ARNT2: variants seen among roughly 807,000 people sequenced by gnomAD.
ARNT2 encodes the protein aryl hydrocarbon receptor nuclear translocator 2.
A neutral mutation model predicts 91.7 loss-of-function variants in ARNT2; 36 were observed. The observed-to-expected ratio is 0.39, with a 90% CI of 0.30 to 0.52. ARNT2 has a LOEUF of 0.52. ARNT2 is among the 20% of genes least tolerant of loss of function. The pLI is 0.72. For missense variants in ARNT2, 775 were observed against 939.3 expected, an observed-to-expected ratio of 0.83 and a Z score of 2.29; for synonymous variants, 365 against 347.1, an observed-to-expected ratio of 1.05 and a Z score of -0.57.
intron 2 of ARNT2, among the ~76,000 whole-genome samples, chr15:80,455,414 C>T (rs1031214444): frequency 1.3e-5 from 2 of 152,088 alleles, no homozygotes; most frequent in South Asian, 2.1e-4. Flanking sequence ...CCCAAGTTCC[C>T]GGCGGACTTC....
In ARNT2 at chr15:80,590,831, G is replaced by A. The variant is rs144553270; in HGVS notation, c.1919-737G>A. 2.1e-4 allele frequency among the ~76,000 whole-genome samples: 32 copies of A among 152,312 alleles called. No homozygotes were observed. In the East Asian group the frequency reaches 6.2e-3, roughly 29 times the overall value. On this transcript the variant is annotated intron_variant, in intron 17 of 18. Transcript: ENST00000303329. Reference sequence around the variant, plus strand: ...TGTATAAACTGTAGACAGAAGCAAAGTGGCTCTCATTTATAAATGAATTTG... The same window carrying A: ...TGTATAAACTGTAGACAGAAGCAAAATGGCTCTCATTTATAAATGAATTTG...
chr15:80,475,742 A>G (rs1896793016), intron 5 of ARNT2, among the ~76,000 whole-genome samples: 2 of 152,186 alleles, frequency 1.3e-5, no homozygotes, highest in African/African-American at 2.4e-5. Flanking sequence ...TGCAATTAGT[A>G]TACATTACCA....
intron 1 of ARNT2, among the ~76,000 whole-genome samples, chr15:80,407,231 C>T (rs1489595598): frequency 1.3e-5 from 2 of 152,200 alleles, no homozygotes; most frequent in African/African-American, 4.8e-5. Flanking sequence ...CCCACGCCCC[C>T]ACTTGTTCCT....
chr15:80,489,012 C>T (rs1305271890), intron 5 of ARNT2, among the ~76,000 whole-genome samples: 2 of 152,080 alleles, frequency 1.3e-5, no homozygotes, highest in Non-Finnish European at 2.9e-5. Flanking sequence ...TTTTTTTAGG[C>T]AGATATAATT....
intron 5 of ARNT2, chr15:80,487,919 C>T (rs1223198093): frequency 1.3e-5 from 2 of 152,194 alleles, no homozygotes; most frequent in East Asian, 3.9e-4. Context: ...GACACAGCCT[C>T]CCCAGCACAG....
chr15:80,544,786 T>C (rs536362199), intron 8 of ARNT2, among the ~76,000 whole-genome samples: 1 of 152,296 alleles, frequency 6.6e-6, no homozygotes, highest in East Asian at 1.9e-4. Context: ...AGGCAAACTA[T>C]TTTTGTAGGA....
intron 5 of ARNT2, among the ~76,000 whole-genome samples, chr15:80,503,900 A>G (rs1413637072): frequency 6.6e-6 from 1 of 152,196 alleles, no homozygotes; most frequent in African/African-American, 2.4e-5. Flanking sequence ...CAGTCTGCAG[A>G]GCCCTGGTCC....
At chr15:80,503,969 G>C (rs555995420) in intron 5 of ARNT2, among the ~76,000 whole-genome samples, 12 of 152,362 alleles carry the variant, frequency 7.9e-5, no homozygotes, top group Middle Eastern at 3.4e-3. Context: ...CACAGTCCTA[G>C]ACCATGTGTG....
chr15:80,581,172 G>A, intron 16 of ARNT2, 67 bp from the exon 17 acceptor site: 2 of 1,586,202 alleles, frequency 1.3e-6, no homozygotes, highest in Non-Finnish European at 1.7e-6. Context: ...ACCAGCCTGG[G>A]GCATCGGTTG....
chr15:80,494,779 T>C (rs1469429419), intron 5 of ARNT2, among the ~76,000 whole-genome samples: 1 of 152,180 alleles, frequency 6.6e-6, no homozygotes, highest in Non-Finnish European at 1.5e-5. Context: ...CTGCCATTCA[T>C]GTTGGAGTTC....
rs1021425897 is a variant in ARNT2 at position 80,495,314 on chromosome 15, C to G, written c.623-12842C>G. Among the ~76,000 whole-genome samples the G allele has an allele frequency of 9.2e-5, 14 of 152,300 alleles. 2 individuals are homozygous for G. Among genetic ancestry groups the G allele is most frequent in the Admixed American group, 2.0e-4 (3 of 15,310 alleles). ...GTTGCTGCCAACTCTTCATTCTTCC[C>G]AGTACACTCTTTGTGTACACAGGAG... On this transcript the variant is annotated intron_variant, in intron 5 of 18. Coordinates refer to ENST00000303329, the MANE Select transcript of ARNT2 (RefSeq NM_014862.4).
In ARNT2 at chr15:80,457,912, T is replaced by C. The variant is rs1008012344; in HGVS notation, c.147-17T>C. The C allele has an allele frequency of 4.3e-6, 7 of 1,614,010 alleles. No homozygotes were observed. The highest frequency in any genetic ancestry group is 5.1e-6 in the Non-Finnish European group (6 of 1,179,918). On this transcript the variant is annotated splice_polypyrimidine_tract_variant and intron_variant, in intron 2 of 18. Coordinates refer to ENST00000303329, the MANE Select transcript of ARNT2 (RefSeq NM_014862.4). ...TCTCCTAATAATCAGTGCTCACTTG[T>C]GATCTTGACTTTTCAGAATGGACTT...
intron 12 of ARNT2, among the ~76,000 whole-genome samples, chr15:80,566,228 T>A (rs898540075): frequency 3.3e-5 from 5 of 152,114 alleles, no homozygotes; most frequent in Non-Finnish European, 5.9e-5. Flanking sequence ...TTATGTTTGG[T>A]CTTCTAAATG....
At chr15:80,409,342 C>CTGGG (rs1895649967) in intron 1 of ARNT2, among the ~76,000 whole-genome samples, 17 of 152,302 alleles carry the variant, frequency 1.1e-4, no homozygotes, top group African/African-American at 3.6e-4. Flanking sequence ...GTAGCCTTTT[C>CTGGG]AAACTGGCAT....
intron 1 of ARNT2, among the ~76,000 whole-genome samples, chr15:80,439,402 G>T (rs941450813): frequency 3.9e-5 from 6 of 152,152 alleles, no homozygotes; most frequent in African/African-American, 1.4e-4. Flanking sequence ...AAAGGCCAAG[G>T]CATTCATTTA....
chr15:80,541,327 A>G (rs1213035396), intron 8 of ARNT2, among the ~76,000 whole-genome samples: 1 of 152,026 alleles, frequency 6.6e-6, no homozygotes, highest in East Asian at 1.9e-4. Context: ...CCACTTTTTA[A>G]TGGGGTTATT....
At chr15:80,435,033 C>T (rs1231323802) in intron 1 of ARNT2, among the ~76,000 whole-genome samples, 1 of 152,102 alleles carries the variant, frequency 6.6e-6, no homozygotes, top group African/African-American at 2.4e-5. Flanking sequence ...TGTCTGGGGT[C>T]ACTCTCCCCT....
intron 11 of ARNT2, chr15:80,562,885 G>A: frequency 3.0e-6 from 2 of 664,452 alleles, no homozygotes; most frequent in Non-Finnish European, 5.4e-6. Flanking sequence ...TGACCCAGAT[G>A]CAGCACCCCA....
rs535536763 is a variant in ARNT2 at position 80,464,281 on chromosome 15, C to T, written c.195-5937C>T. ...AGTGTGACCCTTGGAGCCTCAGCTT[C>T]CTCCTCTGGGGAAAGGAGATACATC... On this transcript the variant is annotated intron_variant, in intron 3 of 18. Coordinates refer to ENST00000303329, the MANE Select transcript of ARNT2 (RefSeq NM_014862.4). 3.2e-4 allele frequency among the ~76,000 whole-genome samples: 49 copies of T among 151,924 alleles called. 1 individual carries two copies. In the South Asian group the frequency reaches 8.4e-3, roughly 26 times the overall value.
Sources: gnomAD v4.1 joint callset for allele counts (sites outside exome capture counted in the v4.1 genomes callset) on GRCh38, gnomAD v4.1.1 for gene constraint, MANE v1.5 for transcripts, NCBI Gene and HGNC (gene_info 2026-07-23, HGNC 2026-07-21) for gene names.